The following STXBP5L variants were observed in gnomAD, a reference collection of about 807,000 sequenced individuals.
STXBP5L encodes syntaxin-binding protein 5-like.
STXBP5L carries 65 observed loss-of-function variants against 144.5 expected under a neutral mutation model. That is an observed-to-expected ratio of 0.45 (90% CI 0.37 to 0.55). STXBP5L has a LOEUF of 0.55. STXBP5L is among the 20% of genes least tolerant of loss of function. The pLI, the probability that STXBP5L is intolerant of heterozygous loss-of-function variation, is 0.00. For synonymous variants in STXBP5L, 505 were observed against 469.6 expected (o/e 1.08, Z -0.97); for missense variants, 1,298 against 1,405.5 (o/e 0.92, Z 1.22).
intron 9 of STXBP5L, among the ~76,000 whole-genome samples, chr3:121,166,084 C>T (rs1313829648): frequency 3.9e-5 from 6 of 151,982 alleles, no homozygotes; most frequent in Middle Eastern, 3.4e-3. Flanking sequence ...GTGATCCCAC[C>T]ACAGAGGTGT....
chr3:121,025,876 T>G, intron 3 of STXBP5L, among the ~76,000 whole-genome samples: 1 of 146,782 alleles, frequency 6.8e-6, no homozygotes, highest in South Asian at 2.1e-4. Flanking sequence ...TATATTATAA[T>G]TATTTATATA....
chr3:121,004,302 C>T (rs904839365), intron 3 of STXBP5L, among the ~76,000 whole-genome samples: 1 of 151,334 alleles, frequency 6.6e-6, no homozygotes, highest in African/African-American at 2.4e-5. Context: ...ATTTTATTCT[C>T]TTTGAAGCAA....
chr3:120,925,580 TC>T lies in STXBP5L; in HGVS notation c.189+15814del, dbSNP rs1429967865. Reference sequence around the variant, plus strand: ...AAGGAGTATATAGTTGGGTCTTGTATCTTTATCCATTCAGCCACCCTATGCC... The same window carrying T: ...AAGGAGTATATAGTTGGGTCTTGTATTTTATCCATTCAGCCACCCTATGCC... On this transcript the variant is annotated intron_variant, in intron 2 of 26. Coordinates refer to ENST00000471454, the MANE Select transcript of STXBP5L (RefSeq NM_001308330.2). Among the ~76,000 whole-genome samples, 3 of 152,182 alleles carry T rather than the reference TC, an allele frequency of 2.0e-5. No homozygotes were observed. The East Asian group carries it at 5.8e-4, about 29-fold the overall frequency.
At position 121,419,215 on chromosome 3, in the gene STXBP5L, T is replaced by G. The variant is rs2047308582; in HGVS notation, c.*118T>G. The G allele has an allele frequency of 9.8e-7, 1 of 1,021,154 alleles. No homozygotes were observed. The allele number at this position is 1,021,154 out of a possible 1,614,324, so 63.3% of individuals were successfully genotyped here. ...CTTCTACAAAATGTTCCATTTACAG[T>G]CAATCTGAAATTTTCATAAAAGAGA... On this transcript the variant is annotated 3_prime_UTR_variant, in exon 27 of 27. Coordinates refer to ENST00000471454, the MANE Select transcript of STXBP5L (RefSeq NM_001308330.2).
intron 3 of STXBP5L, among the ~76,000 whole-genome samples, chr3:121,007,770 C>G (rs1944454754): frequency 6.6e-6 from 1 of 151,820 alleles, no homozygotes. Flanking sequence ...TGAAGGTTAC[C>G]CTGCCTGCAT....
At chr3:121,139,720 T>A (rs909899669) in intron 7 of STXBP5L, among the ~76,000 whole-genome samples, 1 of 152,030 alleles carries the variant, frequency 6.6e-6, no homozygotes, top group Non-Finnish European at 1.5e-5. Flanking sequence ...TTGCAACCAG[T>A]CAGGATTAAT....
chr3:120,967,945 TC>T (rs1196645041), intron 3 of STXBP5L, among the ~76,000 whole-genome samples: 1 of 152,210 alleles, frequency 6.6e-6, no homozygotes, highest in Admixed American at 6.5e-5. Flanking sequence ...TCTAATTTTA[TC>T]CCATTATGGT....
At chr3:120,984,665 T>C (rs1477521394) in intron 3 of STXBP5L, among the ~76,000 whole-genome samples, 1 of 139,918 alleles carries the variant, frequency 7.1e-6, no homozygotes. Context: ...GCCTAATTGC[T>C]CTGGCTAGAA....
chr3:121,057,363 C>G (rs1186795243), intron 5 of STXBP5L, among the ~76,000 whole-genome samples: 6 of 151,806 alleles, frequency 4.0e-5, no homozygotes, highest in Non-Finnish European at 5.9e-5. Context: ...GTAAATTTTA[C>G]TGAATCATCA....
chr3:121,175,780 T>C (rs1181111974), intron 9 of STXBP5L, among the ~76,000 whole-genome samples: 1 of 151,868 alleles, frequency 6.6e-6, no homozygotes, highest in African/African-American at 2.4e-5. Flanking sequence ...ACATTCAATT[T>C]TGAAAAAAGC....
chr3:121,208,614 T>C (rs1162715844), intron 10 of STXBP5L, among the ~76,000 whole-genome samples: 3 of 152,176 alleles, frequency 2.0e-5, no homozygotes, highest in African/African-American at 7.2e-5. Flanking sequence ...TCTTGAAATA[T>C]TACTTATAGT....
chr3:121,334,481 T>A (rs2044434695), intron 20 of STXBP5L, among the ~76,000 whole-genome samples: 1 of 151,630 alleles, frequency 6.6e-6, no homozygotes, highest in Non-Finnish European at 1.5e-5. Flanking sequence ...TTGATGGTCA[T>A]TGATGCAAAA....
chr3:121,332,487 C>G (rs2044353405), intron 20 of STXBP5L, among the ~76,000 whole-genome samples: 1 of 145,842 alleles, frequency 6.9e-6, no homozygotes, highest in South Asian at 2.1e-4. Context: ...AAACTTTTAA[C>G]AGTAGACTAG....
intron 14 of STXBP5L, among the ~76,000 whole-genome samples, chr3:121,241,455 C>A (rs1377126194): frequency 6.6e-6 from 1 of 151,864 alleles, no homozygotes; most frequent in African/African-American, 2.4e-5. Flanking sequence ...CCCACCCCAA[C>A]TCACTCCAGT....
chr3:121,102,784 A>T (rs2043497191), intron 5 of STXBP5L, among the ~76,000 whole-genome samples: 1 of 152,196 alleles, frequency 6.6e-6, no homozygotes, highest in African/African-American at 2.4e-5. Context: ...ATGGTAGAAC[A>T]TGTTTACAAA....
rs572107658 is a variant in STXBP5L, at chr3:121,113,193, A to T, written c.471-1732A>T. Reference sequence around the variant, plus strand: ...TTTCTTCTTAACCCTGGAAGTGACTATGTAATATTGAGGTTTGCTTTTTTT... The same window carrying T: ...TTTCTTCTTAACCCTGGAAGTGACTTTGTAATATTGAGGTTTGCTTTTTTT... On this transcript the variant is annotated intron_variant, in intron 5 of 26. Coordinates refer to ENST00000471454, the MANE Select transcript of STXBP5L (RefSeq NM_001308330.2). 3.9e-5 allele frequency among the ~76,000 whole-genome samples: 6 copies of T among 152,314 alleles called. No homozygotes were observed. In the South Asian group the frequency reaches 8.3e-4, roughly 21 times the overall value.
At chr3:121,089,385 GT>G (rs2042663994) in intron 5 of STXBP5L, among the ~76,000 whole-genome samples, 1 of 151,270 alleles carries the variant, frequency 6.6e-6, no homozygotes, top group South Asian at 2.1e-4. Context: ...TAGGTTGGTA[GT>G]TTTTCTTTGT....
Position 121,021,346 on chromosome 3 carries a change from C to T in STXBP5L, c.288-20354C>T, listed in dbSNP as rs545490313. 2.0e-5 allele frequency among the ~76,000 whole-genome samples: 3 copies of T among 152,184 alleles called. No individual in the cohort carries two copies. The South Asian group carries it at 6.2e-4, about 32-fold the overall frequency. Reference sequence around the variant, plus strand: ...GGACTTTAATACTCTACTGATAGTACTAGACAGGTCATCAAGTCGGAAAGT... The same window carrying T: ...GGACTTTAATACTCTACTGATAGTATTAGACAGGTCATCAAGTCGGAAAGT... On this transcript the variant is annotated intron_variant, in intron 3 of 26. Transcript: ENST00000471454.
intron 5 of STXBP5L, among the ~76,000 whole-genome samples, chr3:121,053,235 A>T (rs1948167769): frequency 6.6e-6 from 1 of 152,212 alleles, no homozygotes; most frequent in Admixed American, 6.5e-5. Flanking sequence ...AGAATTGGAA[A>T]AAACTACTTT....
Sources: gnomAD v4.1 joint callset for allele counts (sites outside exome capture counted in the v4.1 genomes callset) on GRCh38, gnomAD v4.1.1 for gene constraint, MANE v1.5 for transcripts, NCBI Gene and HGNC (gene_info 2026-07-23, HGNC 2026-07-21) for gene names.